The following PTPRK variants were observed in gnomAD, a reference collection of about 807,000 sequenced individuals.
The protein encoded by PTPRK is receptor-type tyrosine-protein phosphatase kappa.
A neutral mutation model predicts 178.0 loss-of-function variants in PTPRK; 75 were observed. That is an observed-to-expected ratio of 0.42 (90% confidence interval 0.35 to 0.51). The LOEUF (loss-of-function observed/expected upper bound fraction) is 0.51. Among genes scored for constraint, PTPRK ranks in the 20% least tolerant of loss-of-function variants. The probability of loss-of-function intolerance (pLI) is 0.02; values close to 1 mark genes in which losing one functional copy is unlikely to be tolerated. For missense variants in PTPRK, 1,441 were observed against 1,797.8 expected, an observed-to-expected ratio of 0.80 and a Z score of 3.59; for synonymous variants, 637 against 620.6, an observed-to-expected ratio of 1.03 and a Z score of -0.39.
chr6:128,244,993 G>T (rs1815191262), intron 3 of PTPRK, among the ~76,000 whole-genome samples: 1 of 152,146 alleles, frequency 6.6e-6, no homozygotes, highest in East Asian at 1.9e-4. Context: ...TGGAGGAGGA[G>T]AAGTTTGATT....
rs1784307866 is a variant in PTPRK, at chr6:128,078,832, C to T, written c.1864G>A (p.Ala622Thr). 6.2e-7 allele frequency: 1 copy of T among 1,610,774 alleles called. No individual in the cohort carries two copies. Among genetic ancestry groups the T allele is most frequent in the Admixed American group, 1.7e-5 (1 of 59,844 alleles). ...TCTTACCTGATAGGAGCACCTTTGG[C>T]TTGTGCTGGTCTCAACAATACAGTT... The part of the protein sequence containing the change: ...TITVLLRPAQ[A>T]KGAPISAYQI... Residue 622 changes from alanine (A) to threonine (T), a missense_variant, in exon 11 of 30, where the codon GCC becomes ACC. By Grantham distance (58) the Ala-to-Thr change is moderately conservative. This residue lies in a region of PTPRK where 945 missense variants were observed against 1,080.6 expected (regional missense o/e 0.87). Coordinates refer to ENST00000368226, the MANE Select transcript of PTPRK (RefSeq NM_002844.4).
chr6:128,175,736 C>T (rs958811497), intron 7 of PTPRK, among the ~76,000 whole-genome samples: 1 of 151,546 alleles, frequency 6.6e-6, no homozygotes, highest in African/African-American at 2.4e-5. Flanking sequence ...CTAGTTGCAA[C>T]ATTTGATGTA....
chr6:128,411,352 T>C (rs1842292562), intron 1 of PTPRK, among the ~76,000 whole-genome samples: 1 of 152,238 alleles, frequency 6.6e-6, no homozygotes, highest in African/African-American at 2.4e-5. Context: ...AAAAGTCAGA[T>C]GTAAACTAGT....
intron 2 of PTPRK, among the ~76,000 whole-genome samples, chr6:128,376,591 C>T (rs1420230572): frequency 3.3e-5 from 5 of 152,162 alleles, no homozygotes; most frequent in African/African-American, 1.2e-4. Flanking sequence ...TAACATTCGG[C>T]TCCTCATTAC....
intron 2 of PTPRK, among the ~76,000 whole-genome samples, chr6:128,333,914 G>A (rs929463095): frequency 1.3e-5 from 2 of 152,138 alleles, no homozygotes; most frequent in Non-Finnish European, 2.9e-5. Flanking sequence ...GAGACCTGCA[G>A]TTATTCCTTT....
At chr6:128,281,197 C>T (rs915899247) in intron 3 of PTPRK, among the ~76,000 whole-genome samples, 7 of 152,130 alleles carry the variant, frequency 4.6e-5, no homozygotes, top group African/African-American at 1.7e-4. Flanking sequence ...AAAGGGCAGG[C>T]CAAGACCAAG....
chr6:128,191,398 G>A (rs1021359236), intron 6 of PTPRK, among the ~76,000 whole-genome samples: 11 of 152,046 alleles, frequency 7.2e-5, no homozygotes, highest in South Asian at 2.1e-4. Flanking sequence ...CAGGAGCACC[G>A]GGGCAGGGCA....
intron 13 of PTPRK, among the ~76,000 whole-genome samples, chr6:128,030,207 G>C (rs1350162737): frequency 1.3e-5 from 2 of 152,124 alleles, no homozygotes; most frequent in African/African-American, 4.8e-5. Context: ...GAAGAGAAGT[G>C]GGGGCTGTGA....
At chr6:128,070,716 C>T (rs1562528374) in intron 11 of PTPRK, among the ~76,000 whole-genome samples, 2 of 151,728 alleles carry the variant, frequency 1.3e-5, no homozygotes, top group South Asian at 2.1e-4. Context: ...TAACATTCAC[C>T]CCAGTTTCTA....
chr6:128,229,211 T>A (rs1811904018), intron 5 of PTPRK, among the ~76,000 whole-genome samples: 1 of 152,218 alleles, frequency 6.6e-6, no homozygotes, highest in Non-Finnish European at 1.5e-5. Flanking sequence ...AATAGCTATA[T>A]GCTGACAATG....
At chr6:128,213,622 A>G (rs1265495521) in intron 6 of PTPRK, among the ~76,000 whole-genome samples, 1 of 152,054 alleles carries the variant, frequency 6.6e-6, no homozygotes, top group Non-Finnish European at 1.5e-5. Flanking sequence ...TCATGAGCCT[A>G]AAAGCTGTGC....
intron 7 of PTPRK, among the ~76,000 whole-genome samples, chr6:128,165,245 T>C (rs142903873): frequency 3.9e-4 from 59 of 151,568 alleles, no homozygotes; most frequent in African/African-American, 1.4e-3. Context: ...TCCAATTTTG[T>C]TATATAAAAA....
At chr6:128,301,853 T>C (rs1363619434) in intron 3 of PTPRK, among the ~76,000 whole-genome samples, 1 of 152,182 alleles carries the variant, frequency 6.6e-6, no homozygotes, top group East Asian at 1.9e-4. Flanking sequence ...CTCTTCCTTT[T>C]AGGATGAGGA....
At chr6:128,146,368 G>A (rs925019551) in intron 7 of PTPRK, among the ~76,000 whole-genome samples, 7 of 151,656 alleles carry the variant, frequency 4.6e-5, no homozygotes, top group Non-Finnish European at 1.0e-4. Context: ...TTTGTTGCTT[G>A]TTGGTATTGT....
At chr6:128,427,263 A>AACTT (rs1844257026) in intron 1 of PTPRK, among the ~76,000 whole-genome samples, 1 of 152,186 alleles carries the variant, frequency 6.6e-6, no homozygotes, top group Non-Finnish European at 1.5e-5. Context: ...ATACTTTAAG[A>AACTT]GGTGTTATGT....
At chr6:127,985,677 A>G (rs1158488173) in intron 22 of PTPRK, 44 bp downstream of exon 22, 1 of 1,528,458 alleles carries the variant, frequency 6.5e-7, no homozygotes, top group Non-Finnish European at 8.9e-7. Flanking sequence ...TACTCTAAAA[A>G]AAGCTGATTG....
intron 13 of PTPRK, among the ~76,000 whole-genome samples, chr6:128,045,013 T>A (rs1777820557): frequency 6.6e-6 from 1 of 151,974 alleles, no homozygotes; most frequent in African/African-American, 2.4e-5. Context: ...AAAATCCTCA[T>A]ATAGCCTGTC....
chr6:128,396,674 C>A (rs769023304), intron 2 of PTPRK, among the ~76,000 whole-genome samples: 29 of 151,936 alleles, frequency 1.9e-4, no homozygotes, highest in Non-Finnish European at 3.4e-4. Flanking sequence ...CTCCCAAAAC[C>A]CAAAATCAAA....
intron 2 of PTPRK, among the ~76,000 whole-genome samples, chr6:128,363,760 C>T (rs1213828018): frequency 6.6e-6 from 1 of 152,112 alleles, no homozygotes; most frequent in Non-Finnish European, 1.5e-5. Context: ...CTCAAAACAA[C>T]TCAAATAGTT....
Sources: gnomAD v4.1 joint callset for allele counts (sites outside exome capture counted in the v4.1 genomes callset) on GRCh38, gnomAD v4.1.1 for gene constraint, gnomAD v4.1.1 regional missense constraint, MANE v1.5 for transcripts, NCBI Gene and HGNC (gene_info 2026-07-23, HGNC 2026-07-21) for gene names.